The following CLCN5 variants were observed in gnomAD, a reference collection of about 807,000 sequenced individuals.
CLCN5 encodes Cl-/H+ antiporter 5, also known as H(+)/Cl(-) exchange transporter 5.
In CLCN5, 17 loss-of-function variants were observed where a neutral mutation model predicts 54.0. The observed-to-expected ratio is 0.31, with a 90% confidence interval of 0.22 to 0.47. CLCN5 has a LOEUF of 0.47. Ranked by LOEUF, CLCN5 falls within the 20% of genes least tolerant of loss-of-function variation. The probability of loss-of-function intolerance (pLI) is 1.00; values close to 1 mark genes in which losing one functional copy is unlikely to be tolerated. For missense variants in CLCN5, 448 were observed against 646.7 expected (o/e 0.69, Z 3.33); for synonymous variants, 222 against 233.0 (o/e 0.95, Z 0.43).
At chrX:49,929,389 G>T (rs1000464656) in intron 3 of CLCN5, among the ~76,000 whole-genome samples, 11 of 111,816 alleles carry the variant, frequency 9.8e-5, no homozygotes, top group South Asian at 3.7e-4. Flanking sequence ...GGAGACTTGT[G>T]TTGTCAGGTG....
chrX:49,977,030 G>A (rs954613326), intron 3 of CLCN5, among the ~76,000 whole-genome samples: 4 of 111,724 alleles, frequency 3.6e-5, no homozygotes, highest in Non-Finnish European at 7.5e-5. Context: ...CTCTTTTAGC[G>A]GAATAAGCTT....
chrX:49,977,855 G>C (rs1569537799), intron 3 of CLCN5, among the ~76,000 whole-genome samples: 1 of 111,599 alleles, frequency 9.0e-6, no homozygotes, highest in Non-Finnish European at 1.9e-5. Context: ...GCAGCAAGCC[G>C]ATTCAGCTGT....
chrX:50,018,404 GA>G (rs1377049786), intron 3 of CLCN5, among the ~76,000 whole-genome samples: 1 of 111,441 alleles, frequency 9.0e-6, no homozygotes, highest in African/African-American at 3.3e-5. Context: ...TGTCATCAGT[GA>G]AAAAAAAGTT....
chrX:50,027,024 T>TTG (rs1931436786), intron 3 of CLCN5, among the ~76,000 whole-genome samples: 1 of 108,299 alleles, frequency 9.2e-6, no homozygotes, highest in Non-Finnish European at 1.9e-5. Flanking sequence ...TTTCTTTTTT[T>TTG]TTTTTTTTGA....
chrX:50,066,798 A>G (rs1933041106), intron 4 of CLCN5, among the ~76,000 whole-genome samples: 2 of 111,584 alleles, frequency 1.8e-5, no homozygotes. Context: ...CTCAGAAACA[A>G]CTCATTTTCT....
intron 3 of CLCN5, among the ~76,000 whole-genome samples, chrX:49,943,662 C>A (rs1170373178): frequency 9.0e-6 from 1 of 110,739 alleles, no homozygotes; most frequent in Admixed American, 9.6e-5. Context: ...ACTAGGGAAT[C>A]CTTTCCCCAT....
At chrX:49,979,275 C>T (rs782422974) in intron 3 of CLCN5, among the ~76,000 whole-genome samples, 18 of 111,471 alleles carry the variant, frequency 1.6e-4, no homozygotes, top group African/African-American at 5.5e-4. Flanking sequence ...TTATAGCCCA[C>T]CTCTCCCACA....
chrX:50,018,698 T>C (rs7066010), intron 3 of CLCN5, among the ~76,000 whole-genome samples: 17,043 of 111,980 alleles, frequency 0.15, 3,155 homozygotes, highest in African/African-American at 0.53. Flanking sequence ...TTTTCTATGT[T>C]GATTTATATG....
intron 3 of CLCN5, among the ~76,000 whole-genome samples, chrX:49,953,646 G>A (rs549510639): frequency 1.6e-4 from 18 of 112,093 alleles, no homozygotes; most frequent in South Asian, 7.4e-4. Flanking sequence ...GATGTACCAC[G>A]AGTTATTTAA....
rs180695015 is a variant in CLCN5, at chrX:49,933,753, C to G, written c.16+8439C>G. 2.2e-3 allele frequency among the ~76,000 whole-genome samples: 243 copies of G among 112,118 alleles called. 1 individual carries two copies. The highest frequency in any genetic ancestry group is 3.5e-3 in the Non-Finnish European group (189 of 53,266). On this transcript the variant is annotated intron_variant, in intron 3 of 14. Transcript: ENST00000376091. ...AAATGCAGCAAAGCACTTGCACATG[C>G]TGGCCTTTATAATATGTGAAAGGTT...
At chrX:49,988,340 A>T (rs1350775838) in intron 3 of CLCN5, among the ~76,000 whole-genome samples, 1 of 111,528 alleles carries the variant, frequency 9.0e-6, no homozygotes, top group Non-Finnish European at 1.9e-5. Context: ...TCTCCCTTCC[A>T]ATCAAACGCA....
Position 49,925,258 on chromosome X carries a change from ACT to A in CLCN5, c.-39_-38del. 8.3e-7 allele frequency: 1 copy of A among 1,202,796 alleles called. No individual in the cohort carries two copies. Among genetic ancestry groups the A allele is most frequent in the East Asian group, 3.0e-5 (1 of 33,792 alleles). On this transcript the variant is annotated 5_prime_UTR_variant, in exon 3 of 15. Transcript: ENST00000376091. Reference sequence around the variant, plus strand: ...CTACAAAACTGAGAGGCTCTGGGAAACTCAGCCTGTGACCCCAGCGTGGGTGA... The same window carrying A: ...CTACAAAACTGAGAGGCTCTGGGAAACAGCCTGTGACCCCAGCGTGGGTGA...
intron 3 of CLCN5, among the ~76,000 whole-genome samples, chrX:50,036,326 A>G (rs1233719332): frequency 1.8e-5 from 2 of 111,750 alleles, no homozygotes; most frequent in Non-Finnish European, 3.8e-5. Context: ...GCTTCTTCCA[A>G]TTTTCTTTTG....
Position 50,097,305 on chromosome X carries a change from T to C in CLCN5, c.*5086T>C, listed in dbSNP as rs1557195796. The C allele has an allele frequency of 8.9e-6, 1 of 112,364 alleles. No individual in the cohort carries two copies. Among genetic ancestry groups the C allele is most frequent in the Non-Finnish European group, 1.9e-5 (1 of 53,276 alleles). 9.3% of individuals were successfully genotyped at this position (112,364 alleles called of 1,213,427 possible). A position where few individuals can be genotyped will look rare whatever the true frequency, so the allele number is the denominator to read the frequency against. On this transcript the variant is annotated 3_prime_UTR_variant, in exon 15 of 15. Coordinates refer to ENST00000376091, the MANE Select transcript of CLCN5 (RefSeq NM_001127898.4). ...TTTGAATAGATGTAGGGAACAAAAT[T>C]GGTTTTTCCATGGTGTAGTCTAATT...
chrX:50,047,438 A>T (rs1410356043), intron 4 of CLCN5, among the ~76,000 whole-genome samples: 3 of 111,806 alleles, frequency 2.7e-5, no homozygotes, highest in Admixed American at 9.5e-5. Flanking sequence ...TCAATGTAAT[A>T]TGCTGGATCT....
intron 3 of CLCN5, among the ~76,000 whole-genome samples, chrX:49,936,001 T>G (rs1489819902): frequency 9.0e-6 from 1 of 111,258 alleles, no homozygotes; most frequent in Non-Finnish European, 1.9e-5. Flanking sequence ...GCCCAGCACA[T>G]AGTATGTGCT....
chrX:50,086,003 T>G lies in CLCN5; in HGVS notation c.957T>G (p.Ala319=). 1 of 1,210,255 alleles carries G rather than the reference T, an allele frequency of 8.3e-7. No homozygotes were observed. The highest frequency in any genetic ancestry group is 1.1e-6 in the Non-Finnish European group (1 of 893,807). The part of the protein sequence containing the change: ...RREVLSAAAA[A]GVSVAFGAPI... ...AGGTCTTGTCGGCTGCAGCAGCAGC[T>G]GGTGTATCTGTAGCCTTTGGAGCAC... is the stretch of plus-strand genomic sequence containing the variant. Residue 319 remains alanine (A), a synonymous_variant, in exon 10 of 15, where the codon GCT becomes GCG. Transcript: ENST00000376091.
Position 49,967,447 on chromosome X carries a change from C to T in CLCN5, c.16+42133C>T, listed in dbSNP as rs1167426767. ...GAAGTGTCTGTTCATGTCCTTCGCC[C>T]ACTTTTTGATGGGGTTGTTTGTTTT... On this transcript the variant is annotated intron_variant, in intron 3 of 14. Transcript: ENST00000376091. Among the ~76,000 whole-genome samples the T allele has an allele frequency of 3.4e-5, 3 of 87,340 alleles. 1 individual carries two copies. The highest frequency in any genetic ancestry group is 6.0e-5 in the Non-Finnish European group (3 of 49,731). The allele number at this position is 87,340 out of a possible 115,157, so 75.8% of individuals were successfully genotyped here.
chrX:49,991,148 G>A (rs781898141), intron 3 of CLCN5, among the ~76,000 whole-genome samples: 12 of 112,204 alleles, frequency 1.1e-4, no homozygotes, highest in Non-Finnish European at 1.9e-4. Context: ...TTTCCATAGT[G>A]GTTGTACTAG....
Sources: allele counts gnomAD v4.1 joint callset (sites outside exome capture counted in the v4.1 genomes callset), GRCh38; gene constraint gnomAD v4.1.1; transcripts MANE v1.5; gene names NCBI Gene and HGNC (gene_info 2026-07-23, HGNC 2026-07-21).